SASH1: variants seen among roughly 807,000 people sequenced by gnomAD.
SASH1 encodes SAM and SH3 domain containing 1.
SASH1 carries 44 observed loss-of-function variants against 125.2 expected under a neutral mutation model. The ratio of observed to expected loss-of-function variants is 0.35; its 90% confidence interval spans 0.28 to 0.45. The LOEUF is 0.45. SASH1 is among the 20% of genes least tolerant of loss of function. The pLI, the probability that SASH1 is intolerant of heterozygous loss-of-function variation, is 1.00. For synonymous variants in SASH1, 639 were observed against 649.1 expected, an observed-to-expected ratio of 0.98 and a Z score of 0.24; for missense variants, 1,426 against 1,614.5, an observed-to-expected ratio of 0.88 and a Z score of 2.00.
intron 2 of SASH1, among the ~76,000 whole-genome samples, chr6:148,413,979 G>A (rs1022728565): frequency 3.2e-4 from 48 of 151,960 alleles, no homozygotes; most frequent in African/African-American, 1.1e-3. Context: ...AATGGTAACC[G>A]TCCCTCTTTG....
the SASH1 span, among the ~76,000 whole-genome samples, chr6:148,251,127 T>A: frequency 6.6e-6 from 1 of 152,208 alleles, no homozygotes; most frequent in Non-Finnish European, 1.5e-5. Context: ...CATCAAGTAG[T>A]TCATCCTTTT....
intron 4 of SASH1, among the ~76,000 whole-genome samples, chr6:148,454,656 C>A (rs767840024): frequency 7.9e-5 from 12 of 152,122 alleles, no homozygotes; most frequent in Non-Finnish European, 1.8e-4. Context: ...CCAGCTCAGG[C>A]ATTTCCTGGT....
rs1783451684 is a variant in SASH1, at chr6:148,387,580, CTT to C, written c.157-2552_157-2551del. On this transcript the variant is annotated intron_variant, in intron 1 of 19. Coordinates refer to ENST00000367467, the MANE Select transcript of SASH1 (RefSeq NM_015278.5). Reference sequence around the variant, plus strand: ...TTCTTTCTTTTCTCTTTCTTTCTTTCTTTCTTTCTTTCTTTCTTTCTTTCTTT... The same window carrying C: ...TTCTTTCTTTTCTCTTTCTTTCTTTCTCTTTCTTTCTTTCTTTCTTTCTTT... 5.4e-3 allele frequency among the ~76,000 whole-genome samples: 32 copies of C among 5,968 alleles called. 2 individuals carry two copies. Among genetic ancestry groups the C allele is most frequent in the Non-Finnish European group, 7.7e-3 (26 of 3,358 alleles). 3.9% of individuals were successfully genotyped at this position (5,968 alleles called of 152,430 possible).
At chr6:148,204,591 C>G in the SASH1 span, among the ~76,000 whole-genome samples, 1 of 152,188 alleles carries the variant, frequency 6.6e-6, no homozygotes, top group East Asian at 1.9e-4. Context: ...ACTCAGGAGG[C>G]TGAGGTAGGA....
intron 9 of SASH1, among the ~76,000 whole-genome samples, chr6:148,514,668 C>T (rs149070519): frequency 4.7e-4 from 70 of 148,244 alleles, no homozygotes; most frequent in African/African-American, 1.6e-3. Flanking sequence ...TGGTGTCAGG[C>T]GTTTGGGGTG....
chr6:148,491,735 A>T (rs1442816075), intron 8 of SASH1, among the ~76,000 whole-genome samples: 1 of 152,084 alleles, frequency 6.6e-6, no homozygotes, highest in Non-Finnish European at 1.5e-5. Flanking sequence ...CCAGATTTCC[A>T]CTGCAGCTAA....
At chr6:148,345,599 A>G (rs1422068631) in intron 1 of SASH1, among the ~76,000 whole-genome samples, 2 of 152,308 alleles carry the variant, frequency 1.3e-5, no homozygotes, top group African/African-American at 4.8e-5. Context: ...GCTAAAAGGG[A>G]GGGAAAGCTG....
intron 7 of SASH1, among the ~76,000 whole-genome samples, chr6:148,483,257 A>C (rs985495529): frequency 2.6e-5 from 4 of 152,008 alleles, no homozygotes; most frequent in African/African-American, 9.7e-5. Context: ...GGGAGAGGGG[A>C]GGTGCCTGGC....
At chr6:148,392,440 T>A (rs1286569573) in intron 2 of SASH1, among the ~76,000 whole-genome samples, 1 of 152,186 alleles carries the variant, frequency 6.6e-6, no homozygotes, top group Non-Finnish European at 1.5e-5. Flanking sequence ...AGATAATTCT[T>A]TTGTTAATAA....
At chr6:148,526,624 A>G (rs1455903480) in intron 11 of SASH1, among the ~76,000 whole-genome samples, 1 of 152,102 alleles carries the variant, frequency 6.6e-6, no homozygotes, top group African/African-American at 2.4e-5. Flanking sequence ...TTTCTTTCTC[A>G]GGGAGAAGTT....
chr6:148,467,860 C>G (rs1434326917), intron 4 of SASH1, among the ~76,000 whole-genome samples: 1 of 152,124 alleles, frequency 6.6e-6, no homozygotes, highest in Non-Finnish European at 1.5e-5. Flanking sequence ...TCGCTTGAAC[C>G]CAGGAGGCGG....
At chr6:148,547,660 G>A (rs2115470821) in intron 19 of SASH1, among the ~76,000 whole-genome samples, 1 of 152,190 alleles carries the variant, frequency 6.6e-6, no homozygotes, top group Admixed American at 6.5e-5. Flanking sequence ...GATATTCCTG[G>A]AAGATGGTTT....
intron 7 of SASH1, among the ~76,000 whole-genome samples, chr6:148,482,125 G>A (rs764677692): frequency 3.3e-5 from 5 of 152,140 alleles, no homozygotes; most frequent in Non-Finnish European, 7.3e-5. Context: ...GTTGGAGGGT[G>A]GAAGATAAGA....
chr6:148,440,368 G>T lies in SASH1; in HGVS notation c.347G>T (p.Gly116Val). Residue 116 changes from glycine to valine, a missense_variant, in exon 4 of 20, where the codon GGC becomes GTC. Transcript: ENST00000367467. ...AATCTTCTCTCGTAGGAGTCGCTTG[G>T]CTTCTGTAGCGCCGTGTCAACCCCA... Reference protein sequence around the residue: ...QLRSQIEESLGFCSAVSTPEV... With the variant: ...QLRSQIEESLVFCSAVSTPEV... 6.2e-7 allele frequency: 1 copy of T among 1,614,014 alleles called. No homozygotes were observed. The highest frequency in any genetic ancestry group is 8.5e-7 in the Non-Finnish European group (1 of 1,179,996).
intron 1 of SASH1, among the ~76,000 whole-genome samples, chr6:148,308,546 C>T (rs1321149405): frequency 4.0e-5 from 6 of 151,520 alleles, no homozygotes; most frequent in African/African-American, 1.5e-4. Context: ...CAGGCATGCG[C>T]CACCATGCCT....
the SASH1 span, among the ~76,000 whole-genome samples, chr6:148,211,553 A>C: frequency 6.6e-6 from 1 of 151,568 alleles, no homozygotes; most frequent in Non-Finnish European, 1.5e-5. Flanking sequence ...CCTGGGCTAT[A>C]CAGCAAGACG....
chr6:148,296,724 T>A (rs1779775428), intron 1 of SASH1, among the ~76,000 whole-genome samples: 1 of 152,182 alleles, frequency 6.6e-6, no homozygotes, highest in South Asian at 2.1e-4. Flanking sequence ...TGTGGGCACA[T>A]GTCCAAAATC....
intron 2 of SASH1, among the ~76,000 whole-genome samples, chr6:148,403,175 G>A (rs1349249696): frequency 6.6e-6 from 1 of 151,962 alleles, no homozygotes; most frequent in East Asian, 1.9e-4. Flanking sequence ...ATCAGTTTGT[G>A]TTGACTTGAT....
chr6:148,502,771 C>T (rs1197503117), intron 8 of SASH1, among the ~76,000 whole-genome samples: 3 of 152,114 alleles, frequency 2.0e-5, no homozygotes, highest in Admixed American at 2.0e-4. Flanking sequence ...AGAAGTAGGG[C>T]CCCAGGGCCA....
Sources: gnomAD v4.1 joint callset for allele counts (sites outside exome capture counted in the v4.1 genomes callset) on GRCh38, gnomAD v4.1.1 for gene constraint, MANE v1.5 for transcripts, NCBI Gene and HGNC (gene_info 2026-07-23, HGNC 2026-07-21) for gene names.